Variants in NAGA observed in about 807,000 individuals in gnomAD.
The protein encoded by NAGA is Acetylgalactosaminidase, alpha-N- (alpha-galactosidase B).
In NAGA, 42 loss-of-function variants were observed where a neutral mutation model predicts 45.6. That is an observed-to-expected ratio of 0.92 (90% confidence interval 0.72 to 1.19). NAGA has a LOEUF of 1.19. Ranked by LOEUF, NAGA falls within the 50% of genes most tolerant of loss-of-function variation. The probability of loss-of-function intolerance (pLI) is 0.00; values close to 1 mark genes in which losing one functional copy is unlikely to be tolerated. For missense variants in NAGA, 493 were observed against 544.8 expected (o/e 0.90, Z 0.95); for synonymous variants, 176 against 203.1 (o/e 0.87, Z 1.13).
At chr22:42,070,175 A>G (rs973839880) in intron 1 of NAGA, 107 bp downstream of exon 1, 24 of 1,284,818 alleles carry the variant, frequency 1.9e-5, no homozygotes, top group Non-Finnish European at 2.7e-5. Context: ...TAAGTAAAAG[A>G]GAGAGGAACC....
chr22:42,061,068 C>T lies in NAGA; in HGVS notation c.958-1G>A. 6.2e-7 allele frequency: 1 copy of T among 1,613,980 alleles called. No individual in the cohort carries two copies. Among genetic ancestry groups the T allele is most frequent in the Admixed American group, 1.7e-5 (1 of 60,024 alleles). ...TGTACACTTCGATGAGAGATTTTTC[C>T]TGGGCACAGAAGGTGGCTACTGGCT... On this transcript the variant is annotated splice_acceptor_variant, in intron 7 of 8. Transcript: ENST00000396398. LOFTEE classifies it high-confidence loss of function.
rs117669639 is a variant in NAGA, at chr22:42,065,626, C to T, written c.759+112G>A. ...CCAGTTCAGGGACACATTTCAGAAG[C>T]GCTGACCTAGAACCCGGCAGTGAGC... On this transcript the variant is annotated intron_variant, in intron 6 of 8. Transcript: ENST00000396398. The T allele has an allele frequency of 1.7e-4, 238 of 1,422,470 alleles. 2 individuals are homozygous for T. The East Asian group carries it at 4.4e-3, about 26-fold the overall frequency. 88.1% of individuals were successfully genotyped at this position (1,422,470 alleles called of 1,614,324 possible).
At chr22:42,065,447 A>G (rs1476544249) in intron 6 of NAGA, among the ~76,000 whole-genome samples, 3 of 152,196 alleles carry the variant, frequency 2.0e-5, no homozygotes, top group African/African-American at 7.2e-5. Context: ...ATAACATCTT[A>G]TTCCAGGGTC....
rs765604983 is a variant in NAGA, at chr22:42,062,962, C to T, written c.822G>A (p.Thr274=). Reference sequence around the variant, plus strand: ...ACATCAAGAGGGGGGCTGCCAGCACCGTCCACAGGGCCATCTGGGCCCGGG... The same window carrying T: ...ACATCAAGAGGGGGGCTGCCAGCACTGTCCACAGGGCCATCTGGGCCCGGG... ...EQSRAQMALW[T]VLAAPLLMST... Residue 274 remains threonine (T), a synonymous_variant, in exon 7 of 9, where the codon ACG becomes ACA. Transcript: ENST00000396398. 20 of 1,614,184 alleles carry T rather than the reference C, an allele frequency of 1.2e-5. No individual in the cohort carries two copies. Among genetic ancestry groups the T allele is most frequent in the Non-Finnish European group, 1.6e-5 (19 of 1,180,032 alleles).
At chr22:42,060,702 T>G (rs923433695) in intron 8 of NAGA, among the ~76,000 whole-genome samples, 10 of 152,166 alleles carry the variant, frequency 6.6e-5, no homozygotes, top group Non-Finnish European at 1.0e-4. Flanking sequence ...GCTAATGGGA[T>G]TCATATTTAT....
At position 42,070,366 on chromosome 22, in the gene NAGA, T is replaced by C; in HGVS notation, c.-69A>G. 1 of 1,595,276 alleles carries C rather than the reference T, an allele frequency of 6.3e-7. No individual in the cohort carries two copies. On this transcript the variant is annotated 5_prime_UTR_variant, in exon 1 of 9. Coordinates refer to ENST00000396398, the MANE Select transcript of NAGA (RefSeq NM_000262.3). The stretch of plus-strand genomic sequence containing the variant: ...CGTGTATCAGCTGTATGTGTTGGGC[T>C]CTGGAAGCTAAGAAACGTCTGAAAA...
rs1401382201 is a variant in NAGA at position 42,058,971 on chromosome 22, A to G, written c.*1308T>C. The G allele has an allele frequency of 2.0e-5, 3 of 152,244 alleles. No homozygotes were observed. Among genetic ancestry groups the G allele is most frequent in the Non-Finnish European group, 4.4e-5 (3 of 68,056 alleles). 9.4% of individuals were successfully genotyped at this position (152,244 alleles called of 1,614,324 possible). On this transcript the variant is annotated 3_prime_UTR_variant, in exon 9 of 9. Coordinates refer to ENST00000396398, the MANE Select transcript of NAGA (RefSeq NM_000262.3). Reference sequence around the variant, plus strand: ...ATACTTAACCAGTAAAGCTTCAATCATCTTAAATGATGTAACAAAATGTGC... The same window carrying G: ...ATACTTAACCAGTAAAGCTTCAATCGTCTTAAATGATGTAACAAAATGTGC...
rs771012863 is a variant in NAGA at position 42,067,184 on chromosome 22, G to A, written c.431C>T (p.Thr144Ile). 1.9e-6 allele frequency: 3 copies of A among 1,614,166 alleles called. No individual in the cohort carries two copies. The highest frequency in any genetic ancestry group is 1.6e-4 in the Middle Eastern group (1 of 6,062). Residue 144 changes from threonine to isoleucine, a missense_variant, in exon 4 of 9, where the codon ACC becomes ATC. By Grantham distance (89) the Thr-to-Ile change is moderately conservative (BLOSUM62 -1). Coordinates refer to ENST00000396398, the MANE Select transcript of NAGA (RefSeq NM_000262.3). ...CATGTCTACCTTCCACTCGGCGAAG[G>A]TCTGAGCATCCTGGACCACCTTGTC... is the stretch of plus-strand genomic sequence containing the variant. ...TLDKVVQDAQ[T>I]FAEWKVDMLK...
intron 1 of NAGA, 76 bp downstream of exon 1, chr22:42,070,206 T>G: frequency 6.6e-7 from 1 of 1,518,740 alleles, no homozygotes; most frequent in Non-Finnish European, 9.2e-7. Flanking sequence ...CATACCCACA[T>G]TAGGGAAGAA....
intron 6 of NAGA, among the ~76,000 whole-genome samples, chr22:42,064,411 C>T (rs1387874047): frequency 9.8e-5 from 14 of 142,942 alleles, no homozygotes; most frequent in Middle Eastern, 4.3e-3. Flanking sequence ...GAGGCTGAGG[C>T]GGGCAGATCA....
intron 4 of NAGA, 139 bp from the exon 5 acceptor site, chr22:42,066,943 T>C (rs546036695): frequency 7.3e-7 from 1 of 1,369,734 alleles, no homozygotes. Flanking sequence ...GAGCCTCAAA[T>C]GCTTCCAGGG....
chr22:42,067,824 C>T lies in NAGA; in HGVS notation c.265G>A (p.Gly89Ser). ...CGCTTGGGATCCGGCATCAGGCGGC[C>T]ACTGGCATCGCGACCACCGATCCAG... ...DCWIGGRDAS[G>S]RLMPDPKRFP... Residue 89 changes from glycine (G) to serine (S), a missense_variant, in exon 3 of 9, where the codon GGC (glycine) becomes AGC (serine). Coordinates refer to ENST00000396398, the MANE Select transcript of NAGA (RefSeq NM_000262.3). The T allele has an allele frequency of 6.2e-7, 1 of 1,612,444 alleles. No individual in the cohort carries two copies. The highest frequency in any genetic ancestry group is 8.5e-7 in the Non-Finnish European group (1 of 1,179,946).
chr22:42,067,340 C>T (rs748998745), intron 3 of NAGA, 50 bp from the exon 4 acceptor site: 2 of 1,606,030 alleles, frequency 1.2e-6, no homozygotes, highest in Admixed American at 1.7e-5. Context: ...CTCAAGGAGC[C>T]TCCTCAAGGC....
rs1384744366 is a variant in NAGA at position 42,065,806 on chromosome 22, A to G, written c.691T>C (p.Trp231Arg). The G allele has an allele frequency of 6.2e-7, 1 of 1,614,058 alleles. No homozygotes were observed. The highest frequency in any genetic ancestry group is 2.2e-5 in the East Asian group (1 of 44,882). ...AGTATGTCCTGGTGCTCCACGAACC[A>G]ATTCAGGATGGAGAGCACGCTCCAC... ...SWWSVLSILN[W>R]FVEHQDILQP... Residue 231 changes from tryptophan (W) to arginine (R), a missense_variant, in exon 6 of 9, where the codon TGG becomes CGG. Coordinates refer to ENST00000396398, the MANE Select transcript of NAGA (RefSeq NM_000262.3).
At chr22:42,066,904 C>T in intron 4 of NAGA, 100 bp from the exon 5 acceptor site, 1 of 1,418,180 alleles carries the variant, frequency 7.1e-7, no homozygotes, top group Non-Finnish European at 9.8e-7. Context: ...AAACAAGCTC[C>T]AAACAGTAGG....
intron 1 of NAGA, among the ~76,000 whole-genome samples, chr22:42,069,042 T>C (rs1178134051): frequency 6.6e-6 from 1 of 152,078 alleles, no homozygotes; most frequent in Non-Finnish European, 1.5e-5. Context: ...GTGGATCACT[T>C]GAGGTCAGGC....
At position 42,058,815 on chromosome 22, in the gene NAGA, G is replaced by C. The variant is rs1204240252; in HGVS notation, c.*1464C>G. On this transcript the variant is annotated 3_prime_UTR_variant, in exon 9 of 9. Transcript: ENST00000396398. The stretch of plus-strand genomic sequence containing the variant: ...GAGACTATTCCATTTTGCCTGAACA[G>C]CACTATGAACAAGACCCAAAGGCAG... 1 of 152,308 alleles carries C rather than the reference G, an allele frequency of 6.6e-6. No individual in the cohort carries two copies. The highest frequency in any genetic ancestry group is 2.4e-5 in the African/African-American group (1 of 41,430). The allele number at this position is 152,308 out of a possible 1,614,324, so 9.4% of individuals were successfully genotyped here.
chr22:42,059,515 G>A lies in NAGA; in HGVS notation c.*764C>T, dbSNP rs994537069. 1 of 152,556 alleles carries A rather than the reference G, an allele frequency of 6.6e-6. No homozygotes were observed. The highest frequency in any genetic ancestry group is 2.4e-5 in the African/African-American group (1 of 41,476). 9.5% of individuals were successfully genotyped at this position (152,556 alleles called of 1,614,324 possible). A position where few individuals can be genotyped will look rare whatever the true frequency, so the allele number is the denominator to read the frequency against. On this transcript the variant is annotated 3_prime_UTR_variant, in exon 9 of 9. Transcript: ENST00000396398. Reference sequence around the variant, plus strand: ...GCAGAGCACAAGCTGCAGGACCTGGGAGCATTGCTACTTGGCCTCATTGTG... The same window carrying A: ...GCAGAGCACAAGCTGCAGGACCTGGAAGCATTGCTACTTGGCCTCATTGTG...
chr22:42,060,883 C>T (rs1178275502), intron 8 of NAGA, 41 bp downstream of exon 8: 9 of 1,613,658 alleles, frequency 5.6e-6, no homozygotes, highest in Non-Finnish European at 6.8e-6. Flanking sequence ...CCACAGAAAT[C>T]TGAAGCCCAG....
Sources: allele counts gnomAD v4.1 joint callset (sites outside exome capture counted in the v4.1 genomes callset), GRCh38; gene constraint gnomAD v4.1.1; transcripts MANE v1.5; gene names NCBI Gene and HGNC (gene_info 2026-07-23, HGNC 2026-07-21).